TTLL4: variants seen among roughly 807,000 people sequenced by gnomAD.
The protein encoded by TTLL4 is tubulin monoglutamylase TTLL4.
A neutral mutation model predicts 122.7 loss-of-function variants in TTLL4; 85 were observed. The observed-to-expected ratio is 0.69, with a 90% confidence interval of 0.58 to 0.83. The LOEUF is 0.83. Ranked by LOEUF, TTLL4 falls within the 40% of genes least tolerant of loss-of-function variation. The pLI, the probability that TTLL4 is intolerant of heterozygous loss-of-function variation, is 0.00. For synonymous variants in TTLL4, 553 were observed against 563.0 expected (o/e 0.98, Z 0.25); for missense variants, 1,363 against 1,488.6 (o/e 0.92, Z 1.39).
At position 218,747,366 on chromosome 2, in the gene TTLL4, TAC is replaced by T. The variant is rs1286928043; in HGVS notation, c.2245_2246del (p.Gln749GlufsTer15). The T allele has an allele frequency of 1.4e-5, 22 of 1,613,962 alleles. No individual in the cohort carries two copies. ...CTCCCCAAGCGAAGGCCCCTCCTGG[TAC>T]AGAGGTGAGCCTGTAGCACATATCC... On this transcript the variant is annotated frameshift_variant, in exon 10 of 20. Transcript: ENST00000392102. LOFTEE classifies it high-confidence loss of function. This position sits in a 1 kb window ranked among gnomAD's most constrained non-coding sequence, Gnocchi z 4.7.
In TTLL4 at chr2:218,746,408, G is replaced by A. The variant is rs975564046; in HGVS notation, c.1974+177G>A. Reference sequence around the variant, plus strand: ...ACAGTGAGAGACTCCAGTGGATCACGTACATCTCCAGTTCAGCTGCAGTAT... The same window carrying A: ...ACAGTGAGAGACTCCAGTGGATCACATACATCTCCAGTTCAGCTGCAGTAT... On this transcript the variant is annotated intron_variant, in intron 8 of 19. Coordinates refer to ENST00000392102, the MANE Select transcript of TTLL4 (RefSeq NM_014640.5). 5.8e-5 allele frequency: 37 copies of A among 635,172 alleles called. 1 individual carries two copies. Among genetic ancestry groups the A allele is most frequent in the South Asian group, 1.3e-4 (7 of 53,216 alleles). 39.3% of individuals were successfully genotyped at this position (635,172 alleles called of 1,614,324 possible). A position where few individuals can be genotyped will look rare whatever the true frequency, so the allele number is the denominator to read the frequency against.
intron 1 of TTLL4, among the ~76,000 whole-genome samples, chr2:218,717,133 AT>A (rs1016679270): frequency 2.2e-4 from 33 of 146,930 alleles, no homozygotes; most frequent in African/African-American, 5.0e-4. Flanking sequence ...GATTTTTTGT[AT>A]TTTTTTTTTG....
Position 218,730,331 on chromosome 2 carries a change from A to G in TTLL4, c.-99+2984A>G, listed in dbSNP as rs7421178. 2.2e-3 allele frequency among the ~76,000 whole-genome samples: 179 copies of G among 82,990 alleles called. 4 individuals carry two copies. Among genetic ancestry groups the G allele is most frequent in the African/African-American group, 5.3e-3 (103 of 19,556 alleles). The allele number at this position is 82,990 out of a possible 152,430, so 54.4% of individuals were successfully genotyped here. On this transcript the variant is annotated intron_variant, in intron 2 of 19. Transcript: ENST00000392102. ...AAATCCAAAAAAAAAAAAAAAAAAA[A>G]AAAAAAAAAAAAAAAAAAGAAAAAA...
At chr2:218,735,109 A>G (rs1005871442) in intron 2 of TTLL4, among the ~76,000 whole-genome samples, 3 of 152,158 alleles carry the variant, frequency 2.0e-5, no homozygotes, top group Non-Finnish European at 4.4e-5. Flanking sequence ...TTTGCAGGTA[A>G]AGAGGGCGAT....
At chr2:218,720,349 G>A (rs1452955931) in intron 1 of TTLL4, among the ~76,000 whole-genome samples, 2 of 152,194 alleles carry the variant, frequency 1.3e-5, no homozygotes, top group African/African-American at 2.4e-5. Context: ...TACAGCTGTG[G>A]CAGAGTGCAC....
intron 12 of TTLL4, 77 bp from the exon 13 acceptor site, chr2:218,748,759 C>G (rs962012594): frequency 8.1e-5 from 102 of 1,264,232 alleles, no homozygotes; most frequent in Non-Finnish European, 1.1e-4. Context: ...ACCATTAGGT[C>G]TCTTCTTCGT....
intron 1 of TTLL4, among the ~76,000 whole-genome samples, chr2:218,719,016 C>T (rs1941951960): frequency 6.6e-6 from 1 of 152,194 alleles, no homozygotes; most frequent in African/African-American, 2.4e-5. Context: ...TTATTCTTCA[C>T]TCTTACCCCT....
chr2:218,739,031 C>T lies in TTLL4; in HGVS notation c.1355C>T (p.Pro452Leu). The T allele has an allele frequency of 6.2e-7, 1 of 1,614,214 alleles. No individual in the cohort carries two copies. Among genetic ancestry groups the T allele is most frequent in the East Asian group, 2.2e-5 (1 of 44,890 alleles). The change falls in exon 3 of 20, where the codon CCA becomes CTA. Residue 452 changes from proline (P) to leucine (L), a missense_variant. Transcript: ENST00000392102. ...TCAGCATTTGGAGAAGGCAAAGCTCCAGGTCCCCCTTTTCCTCAAACTCTT... is the reference window on the plus strand; with the variant it reads ...TCAGCATTTGGAGAAGGCAAAGCTCTAGGTCCCCCTTTTCCTCAAACTCTT... ...DSSAFGEGKA[P>L]GPPFPQTLGI...
chr2:218,749,956 A>G (rs1942971802), intron 14 of TTLL4, 53 bp from the exon 15 acceptor site: 3 of 1,599,042 alleles, frequency 1.9e-6, no homozygotes, highest in Admixed American at 1.7e-5. Context: ...ACATATGACC[A>G]GAGACTGTTT....
intron 13 of TTLL4, 22 bp downstream of exon 13, chr2:218,748,956 G>C: frequency 6.2e-7 from 1 of 1,610,138 alleles, no homozygotes; most frequent in South Asian, 1.1e-5. Context: ...TGCCAACCTG[G>C]ATGTGGGGCC....
In TTLL4 at chr2:218,740,574, A is replaced by T. The variant is rs762378512; in HGVS notation, c.1651A>T (p.Met551Leu). ...TGTCTCCCCCAGCGAATCGGTGGCCATGATCTCTAGGTAAGTGTGGCTGTA... is the reference window on the plus strand; with the variant it reads ...TGTCTCCCCCAGCGAATCGGTGGCCTTGATCTCTAGGTAAGTGTGGCTGTA... The part of the protein sequence containing the change: ...SAVSPSESVA[M>L]ISRSCMEILT... The change falls in exon 5 of 20, where the codon ATG becomes TTG. Residue 551 changes from methionine to leucine, a missense_variant. Physicochemically the swap from Met to Leu is conservative, Grantham distance 15. This residue lies in a region of TTLL4 where 760 missense variants were observed against 808.4 expected (regional missense o/e 0.94). Coordinates refer to ENST00000392102, the MANE Select transcript of TTLL4 (RefSeq NM_014640.5). 1 of 1,614,180 alleles carries T rather than the reference A, an allele frequency of 6.2e-7. No homozygotes were observed. The highest frequency in any genetic ancestry group is 1.7e-5 in the Admixed American group (1 of 60,026).
chr2:218,747,053 G>T lies in TTLL4; in HGVS notation c.2025G>T (p.Trp675Cys). 6.2e-7 allele frequency: 1 copy of T among 1,614,208 alleles called. No homozygotes were observed. The highest frequency in any genetic ancestry group is 8.5e-7 in the Non-Finnish European group (1 of 1,180,036). The change falls in exon 9 of 20, where the codon TGG becomes TGT. Residue 675 changes from tryptophan to cysteine, a missense_variant. This residue lies in a region of TTLL4 where 596 missense variants were observed against 655.8 expected (regional missense o/e 0.91). Transcript: ENST00000392102. The surrounding 1 kb of genome is among the most constrained non-coding windows in gnomAD (Gnocchi z 4.7). Reference sequence around the variant, plus strand: ...AGATTGGGAGGAAGGACCGGCTATGGCGGAACCTGTCACGTATGCAGAGCC... The same window carrying T: ...AGATTGGGAGGAAGGACCGGCTATGTCGGAACCTGTCACGTATGCAGAGCC... The part of the protein sequence containing the change: ...SFQIGRKDRL[W>C]RNLSRMQSRF...
downstream of TTLL4, among the ~76,000 whole-genome samples, chr2:218,758,976 GCTCACGC>G (rs914363018): frequency 6.6e-6 from 1 of 152,252 alleles, no homozygotes; most frequent in African/African-American, 2.4e-5. Context: ...GGGCGTGGTG[GCTCACGC>G]CTATAATCCC....
rs1304932796 is a variant in TTLL4 at position 218,743,857 on chromosome 2, T to C, written c.1662-1252T>C. On this transcript the variant is annotated intron_variant, in intron 5 of 19. Coordinates refer to ENST00000392102, the MANE Select transcript of TTLL4 (RefSeq NM_014640.5). ...ACCATGCCTGGCTAATTTTGTATTT[T>C]TAGTAGAGACGGGGTTTCCCCATGT... is the stretch of plus-strand genomic sequence containing the variant. Among the ~76,000 whole-genome samples, 4 of 152,222 alleles carry C rather than the reference T, an allele frequency of 2.6e-5. No homozygotes were observed. In the East Asian group the frequency reaches 7.7e-4, roughly 29 times the overall value.
chr2:218,730,552 G>C (rs1942353845), intron 2 of TTLL4, among the ~76,000 whole-genome samples: 1 of 151,892 alleles, frequency 6.6e-6, no homozygotes, highest in Admixed American at 6.6e-5. Context: ...AAGAAATGGA[G>C]AGAGTGGACA....
chr2:218,734,081 C>CAT (rs1942451945), intron 2 of TTLL4, among the ~76,000 whole-genome samples: 1 of 152,136 alleles, frequency 6.6e-6, no homozygotes, highest in Non-Finnish European at 1.5e-5. Flanking sequence ...GTGTTTCATT[C>CAT]TGTTTAATAG....
In TTLL4 at chr2:218,752,909, G is replaced by A; in HGVS notation, c.3123G>A (p.Gln1041=). 6.2e-7 allele frequency: 1 copy of A among 1,614,122 alleles called. No homozygotes were observed. The highest frequency in any genetic ancestry group is 8.5e-7 in the Non-Finnish European group (1 of 1,180,020). The part of the protein sequence containing the change: ...ISSRYLRFFE[Q]PRYFNILTTQ... Reference sequence around the variant, plus strand: ...CTCGCTATCTCCGCTTTTTTGAGCAGCCACGATATTTCAACATTCTCACCA... The same window carrying A: ...CTCGCTATCTCCGCTTTTTTGAGCAACCACGATATTTCAACATTCTCACCA... The change falls in exon 17 of 20, where the codon CAG becomes CAA. Residue 1041 remains glutamine (Q), a synonymous_variant. Coordinates refer to ENST00000392102, the MANE Select transcript of TTLL4 (RefSeq NM_014640.5).
chr2:218,745,203 A>T lies in TTLL4; in HGVS notation c.1756A>T (p.Thr586Ser). The change falls in exon 6 of 20, where the codon ACC becomes TCC. Residue 586 changes from threonine (T) to serine (S), a missense_variant. Thr to Ser is a moderately conservative substitution (Grantham distance 58). Transcript: ENST00000392102. ...IYSLFPNVPPTIYFGTRDERV... is the reference protein window; with the variant it reads ...IYSLFPNVPPSIYFGTRDERV... ...CAGTCTCTTTCCCAACGTTCCCCCT[A>T]CCATCTATTTTGGCACTCGGGATGA... 1 of 1,613,788 alleles carries T rather than the reference A, an allele frequency of 6.2e-7. No individual in the cohort carries two copies. The highest frequency in any genetic ancestry group is 8.5e-7 in the Non-Finnish European group (1 of 1,179,898).
downstream of TTLL4, among the ~76,000 whole-genome samples, chr2:218,757,352 A>G (rs1943171714): frequency 6.6e-6 from 1 of 152,178 alleles, no homozygotes; most frequent in Non-Finnish European, 1.5e-5. Flanking sequence ...CTATTACATT[A>G]TCACTCCTCT....
Sources: allele counts gnomAD v4.1 joint callset (sites outside exome capture counted in the v4.1 genomes callset), GRCh38; gene constraint gnomAD v4.1.1; regional missense constraint gnomAD v4.1.1; non-coding constraint Gnocchi (gnomAD v3.1); transcripts MANE v1.5; gene names NCBI Gene and HGNC (gene_info 2026-07-23, HGNC 2026-07-21).